THSD4: variants seen among roughly 807,000 people sequenced by gnomAD.
THSD4 encodes thrombospondin type 1 domain containing 4.
A neutral mutation model predicts 119.0 loss-of-function variants in THSD4; 69 were observed. That is an observed-to-expected ratio of 0.58 (90% confidence interval 0.48 to 0.71). THSD4 has a LOEUF of 0.71. Among genes scored for constraint, THSD4 ranks in the 30% least tolerant of loss-of-function variants. The pLI, the probability that THSD4 is intolerant of heterozygous loss-of-function variation, is 0.00. For synonymous variants in THSD4, 524 were observed against 540.4 expected (o/e 0.97, Z 0.42); for missense variants, 1,393 against 1,391.1 (o/e 1.00, Z -0.02).
At chr15:71,735,625 T>A (rs1388630280) in intron 10 of THSD4, among the ~76,000 whole-genome samples, 1 of 151,632 alleles carries the variant, frequency 6.6e-6, no homozygotes, top group Non-Finnish European at 1.5e-5. Context: ...GCTCTCTGTT[T>A]CTCTCTCTTG....
intron 8 of THSD4, among the ~76,000 whole-genome samples, chr15:71,675,793 G>A (rs540257612): frequency 1.5e-4 from 23 of 152,304 alleles, no homozygotes; most frequent in Non-Finnish European, 2.6e-4. Context: ...CTGGGCACAG[G>A]CCTCACTTAT....
At chr15:71,319,186 G>A (rs2045232484) in intron 6 of THSD4, among the ~76,000 whole-genome samples, 1 of 152,078 alleles carries the variant, frequency 6.6e-6, no homozygotes, top group African/African-American at 2.4e-5. Context: ...GACACTCCTG[G>A]TATGTCTAAT....
intron 1 of THSD4, among the ~76,000 whole-genome samples, chr15:71,138,981 C>A (rs587834): frequency 0.094 from 14,149 of 150,026 alleles, 2,016 homozygotes; most frequent in African/African-American, 0.29. Context: ...CCCTCCCCCC[C>A]CCATTTTACA....
chr15:71,657,851 G>A (rs1043956601), intron 7 of THSD4, among the ~76,000 whole-genome samples: 6 of 152,188 alleles, frequency 3.9e-5, no homozygotes, highest in African/African-American at 1.4e-4. Flanking sequence ...ACTGTGCAGA[G>A]CATTTTCATA....
chr15:71,735,377 C>T (rs1305114237), intron 10 of THSD4, among the ~76,000 whole-genome samples: 3 of 152,088 alleles, frequency 2.0e-5, no homozygotes, highest in Non-Finnish European at 4.4e-5. Context: ...CCTAAGGATC[C>T]ATGGCACTCA....
chr15:71,495,916 G>A (rs1237271769), intron 7 of THSD4, among the ~76,000 whole-genome samples: 2 of 152,160 alleles, frequency 1.3e-5, no homozygotes, highest in African/African-American at 2.4e-5. Context: ...ACAACTTCAG[G>A]CTTTGGCAGC....
chr15:71,469,552 C>T lies in THSD4; in HGVS notation c.1152+57729C>T, dbSNP rs376846614. Among the ~76,000 whole-genome samples, 13 of 152,276 alleles carry T rather than the reference C, an allele frequency of 8.5e-5. No homozygotes were observed. The East Asian group carries it at 1.5e-3, about 18-fold the overall frequency. On this transcript the variant is annotated intron_variant, in intron 7 of 17. Transcript: ENST00000261862. Reference sequence around the variant, plus strand: ...CTGCCAACCAACTTCTTCTGAGAGCCCCCTTCCGGCGAAGTGAGGCACAGG... The same window carrying T: ...CTGCCAACCAACTTCTTCTGAGAGCTCCCTTCCGGCGAAGTGAGGCACAGG...
intron 7 of THSD4, among the ~76,000 whole-genome samples, chr15:71,444,329 C>CTAAATTCTAA (rs1319178964): frequency 6.6e-6 from 1 of 152,216 alleles, no homozygotes; most frequent in Non-Finnish European, 1.5e-5. Context: ...CTGAAGAACT[C>CTAAATTCTAA]AGTGGAGAAT....
intron 7 of THSD4, among the ~76,000 whole-genome samples, chr15:71,529,651 T>C (rs999650015): frequency 1.3e-5 from 2 of 152,048 alleles, no homozygotes. Context: ...ATAAAAGTAA[T>C]TTTTTTTCTA....
At chr15:71,742,031 G>A (rs1040893911) in intron 11 of THSD4, among the ~76,000 whole-genome samples, 2 of 152,200 alleles carry the variant, frequency 1.3e-5, no homozygotes, top group Non-Finnish European at 2.9e-5. Flanking sequence ...TCTAATGGTC[G>A]TCAGCAGTCA....
At chr15:71,199,871 G>A (rs2043780088) in intron 3 of THSD4, among the ~76,000 whole-genome samples, 1 of 49,860 alleles carries the variant, frequency 2.0e-5, no homozygotes, top group South Asian at 4.7e-4. Flanking sequence ...TGGGGTGTGT[G>A]TGTGTGTGGT....
rs778897542 is a variant in THSD4 at position 71,771,203 on chromosome 15, A to G, written c.2909A>G (p.Glu970Gly). 16 of 1,613,544 alleles carry G rather than the reference A, an allele frequency of 9.9e-6. No individual in the cohort carries two copies. The highest frequency in any genetic ancestry group is 1.3e-5 in the Non-Finnish European group (15 of 1,179,880). Residue 970 changes from glutamate (E) to glycine (G), a missense_variant, in exon 17 of 18, where the codon GAA becomes GGA. Physicochemically the swap from Glu to Gly is moderately conservative, Grantham distance 98 (BLOSUM62 -2). Coordinates refer to ENST00000261862, the MANE Select transcript of THSD4 (RefSeq NM_024817.3). ...TGTAACCCTCAGGACTGTGTCCCTG[A>G]AGTTGGTAAGTAGAGATTTCAATCA... ...ESCNPQDCVPEVDENCKDKYY... is the reference protein window; with the variant it reads ...ESCNPQDCVPGVDENCKDKYY...
chr15:71,655,791 C>G (rs572190761), intron 7 of THSD4, among the ~76,000 whole-genome samples: 1 of 152,228 alleles, frequency 6.6e-6, no homozygotes, highest in Non-Finnish European at 1.5e-5. Flanking sequence ...CATAGGTCAG[C>G]ACTAAGTCGT....
intron 7 of THSD4, among the ~76,000 whole-genome samples, chr15:71,444,484 G>T (rs375870470): frequency 6.6e-6 from 1 of 152,198 alleles, no homozygotes; most frequent in Admixed American, 6.5e-5. Context: ...TCCATGTGTC[G>T]TCTGTAGCCC....
chr15:71,310,099 C>T (rs937402513), intron 6 of THSD4, among the ~76,000 whole-genome samples: 1 of 152,198 alleles, frequency 6.6e-6, no homozygotes, highest in African/African-American at 2.4e-5. Context: ...AGGTGATTTT[C>T]AAACCGTGGT....
intron 8 of THSD4, among the ~76,000 whole-genome samples, chr15:71,718,229 G>T (rs1055943741): frequency 1.1e-4 from 17 of 152,066 alleles, no homozygotes; most frequent in Admixed American, 1.1e-3. Context: ...AGGGAATTAG[G>T]AAGCAACTAC....
At chr15:71,764,081 T>C (rs1416279001) in intron 15 of THSD4, among the ~76,000 whole-genome samples, 1 of 135,270 alleles carries the variant, frequency 7.4e-6, no homozygotes, top group Non-Finnish European at 1.6e-5. Flanking sequence ...AAAAAATAAA[T>C]AAATAAAAGA....
chr15:71,767,751 G>A (rs572823801), intron 16 of THSD4: 2 of 152,258 alleles, frequency 1.3e-5, no homozygotes, highest in African/African-American at 4.8e-5. Flanking sequence ...ACCAATCTCG[G>A]GATTCAGAGG....
chr15:71,232,309 T>A (rs190836198), intron 4 of THSD4, among the ~76,000 whole-genome samples: 98 of 152,206 alleles, frequency 6.4e-4, no homozygotes, highest in Admixed American at 4.8e-3. Context: ...ATTGACCCAT[T>A]CGTTACAAAT....
Sources: allele counts gnomAD v4.1 joint callset (sites outside exome capture counted in the v4.1 genomes callset), GRCh38; gene constraint gnomAD v4.1.1; transcripts MANE v1.5; gene names NCBI Gene and HGNC (gene_info 2026-07-23, HGNC 2026-07-21).